AUTS2: variants seen among roughly 807,000 people sequenced by gnomAD.
AUTS2 encodes activator of transcription and developmental regulator AUTS2.
AUTS2 carries 17 observed loss-of-function variants against 112.4 expected under a neutral mutation model. The ratio of observed to expected loss-of-function variants is 0.15; its 90% CI spans 0.10 to 0.23. The LOEUF (loss-of-function observed/expected upper bound fraction) is 0.23. AUTS2 is among the 10% of genes least tolerant of loss of function. The pLI, the probability that AUTS2 is intolerant of heterozygous loss-of-function variation, is 1.00. For synonymous variants in AUTS2, 751 were observed against 702.7 expected (o/e 1.07, Z -1.09); for missense variants, 1,510 against 1,701.6 (o/e 0.89, Z 1.98).
rs182810489 is a variant in AUTS2, at chr7:70,302,839, A to G, written c.661-132913A>G. ...AGCACTTCTCATCATGTCCGAGGAGAGAGTAAGTGGGTGCGTGCATGCGTG... is the reference window on the plus strand; with the variant it reads ...AGCACTTCTCATCATGTCCGAGGAGGGAGTAAGTGGGTGCGTGCATGCGTG... On this transcript the variant is annotated intron_variant, in intron 4 of 18. Coordinates refer to ENST00000342771, the MANE Select transcript of AUTS2 (RefSeq NM_015570.4). 2.5e-3 allele frequency among the ~76,000 whole-genome samples: 370 copies of G among 150,842 alleles called. 3 individuals are homozygous for G. Among genetic ancestry groups the G allele is most frequent in the African/African-American group, 8.5e-3 (350 of 41,038 alleles).
intron 4 of AUTS2, among the ~76,000 whole-genome samples, chr7:70,422,714 T>C (rs1224129945): frequency 6.6e-6 from 1 of 152,004 alleles, no homozygotes; most frequent in Admixed American, 6.6e-5. Context: ...AGGCGGAAGT[T>C]GCAGTGAGCC....
chr7:70,549,712 C>T (rs1800939408), intron 5 of AUTS2, among the ~76,000 whole-genome samples: 2 of 152,162 alleles, frequency 1.3e-5, no homozygotes, highest in African/African-American at 4.8e-5. Context: ...TTTTAAAAAG[C>T]CACTTCGCAT....
At chr7:70,358,212 C>A (rs1341439740) in intron 4 of AUTS2, among the ~76,000 whole-genome samples, 1 of 152,188 alleles carries the variant, frequency 6.6e-6, no homozygotes. Context: ...GGTAACTTTT[C>A]TCTTGTTGAT....
At chr7:70,710,988 C>T (rs868577842) in intron 6 of AUTS2, among the ~76,000 whole-genome samples, 5 of 152,194 alleles carry the variant, frequency 3.3e-5, no homozygotes, top group Non-Finnish European at 7.3e-5. Flanking sequence ...AGAGGAACTC[C>T]GGTTGTAAAG....
intron 4 of AUTS2, among the ~76,000 whole-genome samples, chr7:70,340,919 G>A (rs1791235696): frequency 6.6e-6 from 1 of 152,174 alleles, no homozygotes; most frequent in Non-Finnish European, 1.5e-5. Flanking sequence ...TTCTTTAATA[G>A]TGTTCTTGAA....
intron 5 of AUTS2, among the ~76,000 whole-genome samples, chr7:70,512,780 C>G (rs1262372524): frequency 1.3e-5 from 2 of 151,932 alleles, no homozygotes; most frequent in Non-Finnish European, 2.9e-5. Context: ...AGAAGTGTCA[C>G]CAGAGGAAAT....
intron 2 of AUTS2, among the ~76,000 whole-genome samples, chr7:69,948,342 G>A (rs1796896613): frequency 6.6e-6 from 1 of 152,122 alleles, no homozygotes; most frequent in Non-Finnish European, 1.5e-5. Context: ...TATCTACCTT[G>A]TTGGCAAGCA....
At chr7:70,006,395 G>A (rs988638851) in intron 2 of AUTS2, among the ~76,000 whole-genome samples, 4 of 152,070 alleles carry the variant, frequency 2.6e-5, no homozygotes, top group African/African-American at 9.7e-5. Context: ...AAAAAGAAAG[G>A]CAGGCTTTCA....
rs766349738 is a variant in AUTS2 at position 70,766,220 on chromosome 7, T to TCAGCAC, written c.1594_1599dup (p.Gln532_His533dup). On this transcript the variant is annotated inframe_insertion, in exon 9 of 19. Transcript: ENST00000342771. The surrounding 1 kb of genome is among the most constrained non-coding windows in gnomAD (Gnocchi z 4.8). ...CGCCCTACCTGCGGACCGAGTTCCA[T>TCAGCAC]CAGCACCAGCACCAGCACCAGCACA... The TCAGCAC allele has an allele frequency of 2.3e-5, 37 of 1,613,932 alleles. No individual in the cohort carries two copies. Among genetic ancestry groups the TCAGCAC allele is most frequent in the African/African-American group, 1.1e-4 (8 of 74,872 alleles).
At chr7:70,646,194 C>T (rs1002320031) in intron 5 of AUTS2, among the ~76,000 whole-genome samples, 2 of 152,162 alleles carry the variant, frequency 1.3e-5, no homozygotes, top group African/African-American at 2.4e-5. Flanking sequence ...GAGCTCAGTG[C>T]GACTCCTGCC....
At chr7:70,426,683 G>A (rs1305471907) in intron 4 of AUTS2, among the ~76,000 whole-genome samples, 1 of 152,134 alleles carries the variant, frequency 6.6e-6, no homozygotes, top group African/African-American at 2.4e-5. Context: ...AAAGTAATGA[G>A]CTATGGCACT....
At chr7:70,742,608 C>G (rs181919027) in intron 6 of AUTS2, among the ~76,000 whole-genome samples, 1 of 152,130 alleles carries the variant, frequency 6.6e-6, no homozygotes, top group East Asian at 1.9e-4. Context: ...ACTAAAAATA[C>G]AAAATTAGCC....
intron 2 of AUTS2, among the ~76,000 whole-genome samples, chr7:69,957,962 A>T (rs764537467): frequency 6.6e-6 from 1 of 152,182 alleles, no homozygotes; most frequent in Non-Finnish European, 1.5e-5. Flanking sequence ...TAGCCTACAC[A>T]AGTAAGTATA....
chr7:70,099,243 C>G (rs1804359858), intron 2 of AUTS2, among the ~76,000 whole-genome samples: 1 of 152,048 alleles, frequency 6.6e-6, no homozygotes, highest in African/African-American at 2.4e-5. Flanking sequence ...GGTACATGTT[C>G]TTGTGTATTT....
chr7:70,117,999 C>T (rs911769063), intron 2 of AUTS2, 133 bp from the exon 3 acceptor site: 20 of 1,133,026 alleles, frequency 1.8e-5, no homozygotes, highest in Non-Finnish European at 2.3e-5. Flanking sequence ...CCTCCTACCT[C>T]TGCCTCCGAA....
chr7:70,075,816 A>G (rs1802999976), intron 2 of AUTS2, among the ~76,000 whole-genome samples: 1 of 152,252 alleles, frequency 6.6e-6, no homozygotes, highest in African/African-American at 2.4e-5. Flanking sequence ...AGAAGTAGTC[A>G]TCACTGGGAA....
chr7:70,423,797 G>C lies in AUTS2; in HGVS notation c.661-11955G>C, dbSNP rs142477862. Among the ~76,000 whole-genome samples the C allele has an allele frequency of 1.8e-3, 276 of 152,254 alleles. 2 individuals are homozygous for C. The highest frequency in any genetic ancestry group is 6.2e-3 in the African/African-American group (258 of 41,564). ...GGAATGATGGTTTCTGGTTTTGTTTGTCTGGGTGGTTGTTTCTGTTTTCGT... is the reference window on the plus strand; with the variant it reads ...GGAATGATGGTTTCTGGTTTTGTTTCTCTGGGTGGTTGTTTCTGTTTTCGT... On this transcript the variant is annotated intron_variant, in intron 4 of 18. Transcript: ENST00000342771.
intron 5 of AUTS2, among the ~76,000 whole-genome samples, chr7:70,564,271 G>C (rs1003157261): frequency 6.6e-6 from 1 of 152,210 alleles, no homozygotes; most frequent in East Asian, 1.9e-4. Flanking sequence ...TAGGGTGTCA[G>C]ACTGCCTCAA....
At chr7:70,149,583 T>C (rs1189146978) in intron 4 of AUTS2, among the ~76,000 whole-genome samples, 1 of 152,062 alleles carries the variant, frequency 6.6e-6, no homozygotes, top group Non-Finnish European at 1.5e-5. Context: ...ACATCTCTTA[T>C]GCACCTTCAT....
Sources: allele counts gnomAD v4.1 joint callset (sites outside exome capture counted in the v4.1 genomes callset), GRCh38; gene constraint gnomAD v4.1.1; non-coding constraint Gnocchi (gnomAD v3.1); transcripts MANE v1.5; gene names NCBI Gene and HGNC (gene_info 2026-07-23, HGNC 2026-07-21).